The following ALDH1L1 variants were observed in gnomAD, a reference collection of about 807,000 sequenced individuals.
ALDH1L1 encodes aldehyde dehydrogenase 1 family member L1.
A neutral mutation model predicts 101.1 loss-of-function variants in ALDH1L1; 68 were observed. The observed-to-expected ratio is 0.67, with a 90% CI of 0.55 to 0.82. ALDH1L1 has a LOEUF of 0.82. ALDH1L1 is among the 40% of genes least tolerant of loss of function. ALDH1L1 has a pLI of 0.00. For synonymous variants in ALDH1L1, 486 were observed against 470.8 expected (o/e 1.03, Z -0.42); for missense variants, 1,087 against 1,172.7 (o/e 0.93, Z 1.07).
chr3:126,111,724 C>T (rs1181489196), intron 19 of ALDH1L1, among the ~76,000 whole-genome samples: 2 of 152,222 alleles, frequency 1.3e-5, no homozygotes, highest in African/African-American at 4.8e-5. Context: ...TCCCTGGTTT[C>T]CCAGGTACCA....
chr3:126,156,368 G>C (rs2080903770), intron 4 of ALDH1L1: 1 of 152,198 alleles, frequency 6.6e-6, no homozygotes, highest in African/African-American at 2.4e-5. Context: ...CAATCTGTGG[G>C]GAAGACAAGT....
At chr3:126,149,374 T>C (rs777712456) in intron 8 of ALDH1L1, among the ~76,000 whole-genome samples, 6 of 152,178 alleles carry the variant, frequency 3.9e-5, no homozygotes, top group Non-Finnish European at 7.3e-5. Flanking sequence ...TGTTGTAAGA[T>C]AGCATCGTTT....
Position 126,157,424 on chromosome 3 carries a change from C to G in ALDH1L1, c.447G>C (p.Gln149His). Residue 149 changes from glutamine (Q) to histidine (H), a missense_variant, in exon 4 of 23, where the codon CAG becomes CAC. Transcript: ENST00000393434. The stretch of plus-strand genomic sequence containing the variant: ...CGTCCGGGAGCACCTCACACTCCTT[C>G]TGCAGCAGCAGGTCTCCGGTGTCCA... ...DGLDTGDLLLQKECEVLPDDT... is the reference protein window; with the variant it reads ...DGLDTGDLLLHKECEVLPDDT... 6.2e-7 allele frequency: 1 copy of G among 1,614,178 alleles called. No individual in the cohort carries two copies. Among genetic ancestry groups the G allele is most frequent in the Non-Finnish European group, 8.5e-7 (1 of 1,180,028 alleles).
At chr3:126,115,852 G>C (rs553045756) in intron 17 of ALDH1L1, among the ~76,000 whole-genome samples, 1 of 152,008 alleles carries the variant, frequency 6.6e-6, no homozygotes, top group Admixed American at 6.6e-5. Context: ...TGGGATTACA[G>C]GCATGAGCCA....
intron 9 of ALDH1L1, among the ~76,000 whole-genome samples, chr3:126,139,961 A>G (rs894788287): frequency 1.3e-5 from 2 of 152,166 alleles, no homozygotes; most frequent in Non-Finnish European, 2.9e-5. Context: ...CCAGAGGAAA[A>G]AAGAGAAAAA....
At chr3:126,163,258 T>C (rs1473662558) in intron 1 of ALDH1L1, among the ~76,000 whole-genome samples, 1 of 152,214 alleles carries the variant, frequency 6.6e-6, no homozygotes, top group Admixed American at 6.5e-5. Flanking sequence ...TTTTTGTTGC[T>C]AGCATATAGA....
Position 126,174,401 on chromosome 3 carries a change from A to C in ALDH1L1, c.-24+6075T>G, listed in dbSNP as rs370952564. On this transcript the variant is annotated intron_variant, in intron 1 of 22. Transcript: ENST00000393434. ...CATAGTTGAACAGCACCATCAATTA[A>C]GTGTATCTAATTGGCATTTAGAGAA... Among the ~76,000 whole-genome samples the C allele has an allele frequency of 3.5e-4, 54 of 152,370 alleles. No homozygotes were observed. The East Asian group carries it at 5.4e-3, about 15-fold the overall frequency.
chr3:126,150,722 A>G (rs903159189), intron 7 of ALDH1L1, 191 bp from the exon 8 acceptor site: 23 of 538,182 alleles, frequency 4.3e-5, no homozygotes, highest in Non-Finnish European at 6.0e-5. Context: ...TGCCCGACTA[A>G]TTTTTGTTTG....
At chr3:126,119,912 C>A (rs1490394446) in intron 16 of ALDH1L1, among the ~76,000 whole-genome samples, 3 of 152,172 alleles carry the variant, frequency 2.0e-5, no homozygotes, top group African/African-American at 7.2e-5. Flanking sequence ...GAATAAAAGA[C>A]TAAAACAGCA....
In ALDH1L1 at chr3:126,131,493, G is replaced by A; in HGVS notation, c.1514C>T (p.Thr505Ile). The change falls in exon 13 of 23, where the codon ACC becomes ATC. Residue 505 changes from threonine (T) to isoleucine (I), a missense_variant. Transcript: ENST00000393434. ...LMEQHQEELA[T>I]IEALDAGAVY... ...GGCACCCGCATCCAGGGCCTCAATG[G>A]TGGCCAGCTCCTCCTGGTGCTGCTC... The A allele has an allele frequency of 6.2e-7, 1 of 1,613,066 alleles. No homozygotes were observed.
At chr3:126,147,904 G>C (rs768145562) in intron 8 of ALDH1L1, among the ~76,000 whole-genome samples, 2 of 152,032 alleles carry the variant, frequency 1.3e-5, no homozygotes, top group Non-Finnish European at 2.9e-5. Flanking sequence ...CCTGCCCCTC[G>C]AGGTCTCTGC....
rs141368463 is a variant in ALDH1L1 at position 126,137,942 on chromosome 3, C to T, written c.1095G>A (p.Lys365=). The change falls in exon 10 of 23, where the codon AAG becomes AAA. Residue 365 remains lysine (K), a synonymous_variant. Coordinates refer to ENST00000393434, the MANE Select transcript of ALDH1L1 (RefSeq NM_012190.4). ...CTAACTCCAGGCCATCACACAGCTC[C>T]TTCACTTCCTCCACCAGCCTGGAGG... ...VDVVRLVEEV[K]ELCDGLELEN... 4.3e-6 allele frequency: 7 copies of T among 1,614,030 alleles called. No individual in the cohort carries two copies. In the African/African-American group the frequency reaches 6.7e-5, roughly 15 times the overall value.
At chr3:126,125,545 C>T in intron 15 of ALDH1L1, 71 bp downstream of exon 15, 8 of 1,233,294 alleles carry the variant, frequency 6.5e-6, no homozygotes, top group Non-Finnish European at 8.6e-6. Context: ...CCTTCCCTTC[C>T]TCCCTTATAG....
At chr3:126,181,197 T>A, upstream of ALDH1L1, 1 of 615,238 alleles carries the variant, frequency 1.6e-6, no homozygotes, top group Non-Finnish European at 2.9e-6. Flanking sequence ...CCCCTCCTCC[T>A]GGTTCCCAGA....
intron 1 of ALDH1L1, among the ~76,000 whole-genome samples, chr3:126,174,125 G>A (rs376394143): frequency 1.8e-4 from 28 of 152,112 alleles, no homozygotes; most frequent in Non-Finnish European, 3.2e-4. Flanking sequence ...TGCAACCTCC[G>A]CCTCCCGGGT....
chr3:126,139,253 C>T (rs1379843980), intron 9 of ALDH1L1, among the ~76,000 whole-genome samples: 1 of 152,214 alleles, frequency 6.6e-6, no homozygotes, highest in East Asian at 1.9e-4. Context: ...ACTTTGGTAG[C>T]CAGACATTTA....
intron 17 of ALDH1L1, chr3:126,115,555 GTT>G (rs1194262813): frequency 6.8e-6 from 1 of 146,788 alleles, no homozygotes; most frequent in African/African-American, 2.6e-5. Context: ...TCGTTTTTTA[GTT>G]TTGTTTGTTT....
intron 8 of ALDH1L1, 82 bp from the exon 9 acceptor site, chr3:126,147,008 A>G: frequency 7.4e-7 from 1 of 1,348,836 alleles, no homozygotes; most frequent in Non-Finnish European, 1.0e-6. Flanking sequence ...CCCTGAACAG[A>G]CTCATGGATG....
At chr3:126,163,351 C>G (rs987167911) in intron 1 of ALDH1L1, among the ~76,000 whole-genome samples, 2 of 149,676 alleles carry the variant, frequency 1.3e-5, no homozygotes, top group South Asian at 4.3e-4. Context: ...TGTGTAGATT[C>G]TTTGTGGTTT....
Sources: gnomAD v4.1 joint callset for allele counts (sites outside exome capture counted in the v4.1 genomes callset) on GRCh38, gnomAD v4.1.1 for gene constraint, MANE v1.5 for transcripts, NCBI Gene and HGNC (gene_info 2026-07-23, HGNC 2026-07-21) for gene names.